BPI: variants seen among roughly 807,000 people sequenced by gnomAD.
The protein encoded by BPI is bactericidal permeability increasing protein.
A neutral mutation model predicts 57.6 loss-of-function variants in BPI; 48 were observed. That is an observed-to-expected ratio of 0.83 (90% confidence interval 0.66 to 1.06). The LOEUF is 1.06. BPI is among the 50% of genes least tolerant of loss of function. The pLI is 0.00. For synonymous variants in BPI, 237 were observed against 238.2 expected, an observed-to-expected ratio of 0.99 and a Z score of 0.05; for missense variants, 651 against 609.7, an observed-to-expected ratio of 1.07 and a Z score of -0.71.
chr20:38,322,252 T>G (rs1037553825), intron 7 of BPI, among the ~76,000 whole-genome samples: 14 of 152,182 alleles, frequency 9.2e-5, no homozygotes, highest in Non-Finnish European at 1.8e-4. Flanking sequence ...CTGTCTATCC[T>G]TGAGTATTTC....
intron 12 of BPI, among the ~76,000 whole-genome samples, chr20:38,334,042 A>C (rs2076754924): frequency 6.6e-6 from 1 of 152,084 alleles, no homozygotes; most frequent in Non-Finnish European, 1.5e-5. Flanking sequence ...ACATTGTGCC[A>C]AATAGCCGTC....
chr20:38,322,651 C>A (rs980405745), intron 7 of BPI, among the ~76,000 whole-genome samples: 1 of 152,292 alleles, frequency 6.6e-6, no homozygotes, highest in Non-Finnish European at 1.5e-5. Flanking sequence ...TGTCTTGTTG[C>A]CCAGGCTGGA....
rs2076708945 is a variant in BPI at position 38,325,698 on chromosome 20, G to T, written c.994-567G>T. On this transcript the variant is annotated intron_variant, in intron 9 of 14. Coordinates refer to ENST00000642449, the MANE Select transcript of BPI (RefSeq NM_001725.3). ...CAGTGTCTCTGGTGGTGAAACCCCA[G>T]AAATTTCTATACAGAGAAGCTCTGG... Among the ~76,000 whole-genome samples, 3 of 152,178 alleles carry T rather than the reference G, an allele frequency of 2.0e-5. No homozygotes were observed. In the South Asian group the frequency reaches 6.2e-4, roughly 31 times the overall value.
intron 11 of BPI, among the ~76,000 whole-genome samples, chr20:38,328,768 G>A (rs896022562): frequency 1.3e-5 from 2 of 151,952 alleles, no homozygotes. Context: ...AGGCCATGGT[G>A]GGAGGATCGC....
intron 7 of BPI, among the ~76,000 whole-genome samples, chr20:38,322,132 G>C (rs1192693716): frequency 6.6e-6 from 1 of 152,172 alleles, no homozygotes; most frequent in Non-Finnish European, 1.5e-5. Flanking sequence ...TCAGCGGACA[G>C]CTTGTGGTAA....
In BPI at chr20:38,335,429, A is replaced by G. The variant is rs150936691; in HGVS notation, c.1337-169A>G. 342 of 635,156 alleles carry G rather than the reference A, an allele frequency of 5.4e-4. 3 individuals carry two copies. In the African/African-American group the frequency reaches 5.8e-3, roughly 11 times the overall value. 39.3% of individuals were successfully genotyped at this position (635,156 alleles called of 1,614,324 possible). A position where few individuals can be genotyped will look rare whatever the true frequency, so the allele number is the denominator to read the frequency against. On this transcript the variant is annotated intron_variant, in intron 13 of 14. Transcript: ENST00000642449. ...GGTTGATGGACAACAGGTGGGAGGT[A>G]CGGACTCTGGGGCAGCCTTCCTTTC... is the stretch of plus-strand genomic sequence containing the variant.
chr20:38,314,162 G>A lies in BPI; in HGVS notation c.600+2225G>A, dbSNP rs1600701473. Among the ~76,000 whole-genome samples, 7 of 146,900 alleles carry A rather than the reference G, an allele frequency of 4.8e-5. 1 individual carries two copies. The highest frequency in any genetic ancestry group is 6.8e-5 in the Admixed American group (1 of 14,612). ...TGGTGGTGGTGAGATTGAGGATGGT[G>A]ATGGTGGGGATGATGATAATAATGA... On this transcript the variant is annotated intron_variant, in intron 5 of 14. Transcript: ENST00000642449.
At chr20:38,305,680 C>A (rs1430413279) in intron 1 of BPI, among the ~76,000 whole-genome samples, 1 of 152,156 alleles carries the variant, frequency 6.6e-6, no homozygotes, top group Non-Finnish European at 1.5e-5. Flanking sequence ...TCAAATTCTG[C>A]CCCTTGTCCG....
chr20:38,316,225 C>A (rs996171676), intron 5 of BPI, among the ~76,000 whole-genome samples: 1 of 152,162 alleles, frequency 6.6e-6, no homozygotes, highest in African/African-American at 2.4e-5. Context: ...TCCCTCCTTC[C>A]CCTTTTCTTC....
intron 7 of BPI, among the ~76,000 whole-genome samples, chr20:38,323,323 T>A (rs569247139): frequency 2.0e-5 from 3 of 152,214 alleles, no homozygotes; most frequent in Non-Finnish European, 4.4e-5. Flanking sequence ...GCCAAATTGC[T>A]TTTCAGAAAC....
chr20:38,326,354 C>T lies in BPI; in HGVS notation c.1083C>T (p.Thr361=). The change falls in exon 10 of 15, where the codon ACC becomes ACT. Residue 361 remains threonine, a synonymous_variant. Transcript: ENST00000642449. The part of the protein sequence containing the change: ...PHLSVQPTGL[T]FYPAVDVQAF... ...TGTCTGTGCAGCCCACCGGCCTTAC[C>T]TTCTACCCTGCCGTGGATGTCCAGG... The T allele has an allele frequency of 7.4e-6, 12 of 1,614,194 alleles. No homozygotes were observed. The highest frequency in any genetic ancestry group is 9.3e-6 in the Non-Finnish European group (11 of 1,180,030).
intron 3 of BPI, among the ~76,000 whole-genome samples, 198 bp from the exon 4 acceptor site, chr20:38,310,293 A>G (rs924289978): frequency 6.6e-6 from 1 of 152,182 alleles, no homozygotes; most frequent in Non-Finnish European, 1.5e-5. Flanking sequence ...GGCAAACATG[A>G]GTTCCGAATT....
intron 13 of BPI, among the ~76,000 whole-genome samples, chr20:38,334,925 T>G (rs143991035): frequency 6.6e-6 from 1 of 152,038 alleles, no homozygotes; most frequent in South Asian, 2.1e-4. Context: ...TCCCAGAGCT[T>G]AGATCACCAC....
chr20:38,329,451 G>T (rs191583022), intron 11 of BPI, among the ~76,000 whole-genome samples: 49 of 152,334 alleles, frequency 3.2e-4, no homozygotes, highest in Non-Finnish European at 5.9e-4. Context: ...AAGCATTACT[G>T]CTTCAGAAAC....
intron 5 of BPI, chr20:38,317,818 T>C (rs557864827): frequency 6.6e-7 from 1 of 1,507,116 alleles, no homozygotes; most frequent in South Asian, 1.2e-5. Context: ...TCAAAGTCAG[T>C]GTGTGGCCCA....
At position 38,321,141 on chromosome 20, in the gene BPI, G is replaced by GTGGATGGA. The variant is rs368875561; in HGVS notation, c.756+905_756+912dup. On this transcript the variant is annotated intron_variant, in intron 7 of 14. Transcript: ENST00000642449. ...GGTGGATGGGTGGGTGGGTGTATTG[G>GTGGATGGA]TGGATGGATGGATGGATGGATGGAT... 3.9e-3 allele frequency among the ~76,000 whole-genome samples: 312 copies of GTGGATGGA among 79,892 alleles called. 1 individual carries two copies. Among genetic ancestry groups the GTGGATGGA allele is most frequent in the East Asian group, 0.015 (34 of 2,198 alleles). The allele number at this position is 79,892 out of a possible 152,430, so 52.4% of individuals were successfully genotyped here. A position where few individuals can be genotyped will look rare whatever the true frequency, so the allele number is the denominator to read the frequency against.
intron 11 of BPI, among the ~76,000 whole-genome samples, chr20:38,330,505 A>G (rs1362839683): frequency 1.3e-5 from 2 of 152,212 alleles, no homozygotes; most frequent in Non-Finnish European, 2.9e-5. Flanking sequence ...GGAAAATAGT[A>G]TATTGGCTCA....
At chr20:38,308,906 G>T in intron 2 of BPI, 24 bp from the exon 3 acceptor site, 1 of 1,613,710 alleles carries the variant, frequency 6.2e-7, no homozygotes, top group Non-Finnish European at 8.5e-7. Flanking sequence ...GAAATTATAT[G>T]ACATTCACAT....
intron 14 of BPI, among the ~76,000 whole-genome samples, 199 bp from the exon 15 acceptor site, chr20:38,336,947 T>C (rs547620879): frequency 6.6e-6 from 1 of 152,206 alleles, no homozygotes; most frequent in South Asian, 2.1e-4. Context: ...CCAGGGAAGC[T>C]GCTGACAGAT....
Sources: gnomAD v4.1 joint callset for allele counts (sites outside exome capture counted in the v4.1 genomes callset) on GRCh38, gnomAD v4.1.1 for gene constraint, MANE v1.5 for transcripts, NCBI Gene and HGNC (gene_info 2026-07-23, HGNC 2026-07-21) for gene names.